Variants in RPGRIP1L observed in about 807,000 individuals in gnomAD.
The protein encoded by RPGRIP1L is protein fantom.
RPGRIP1L carries 131 observed loss-of-function variants against 160.4 expected under a neutral mutation model. The ratio of observed to expected loss-of-function variants is 0.82; its 90% CI spans 0.71 to 0.94. RPGRIP1L has a LOEUF of 0.94. Ranked by LOEUF, RPGRIP1L falls within the 40% of genes least tolerant of loss-of-function variation. The pLI is 0.00. For synonymous variants in RPGRIP1L, 510 were observed against 515.8 expected, an observed-to-expected ratio of 0.99 and a Z score of 0.15; for missense variants, 1,522 against 1,535.8, an observed-to-expected ratio of 0.99 and a Z score of 0.15.
rs1967347596 is a variant in RPGRIP1L at position 53,657,343 on chromosome 16, A to G, written c.1581+110T>C. 29 of 711,938 alleles carry G rather than the reference A, an allele frequency of 4.1e-5. 2 individuals are homozygous for G. The South Asian group carries it at 5.0e-4, about 12-fold the overall frequency. 44.1% of individuals were successfully genotyped at this position (711,938 alleles called of 1,614,324 possible). The stretch of plus-strand genomic sequence containing the variant: ...CATTCCAGAGATGTGATATGTTAGT[A>G]GATTACAATAGATGTTAATAGATAA... On this transcript the variant is annotated intron_variant, in intron 13 of 26. Transcript: ENST00000647211.
intron 17 of RPGRIP1L, among the ~76,000 whole-genome samples, chr16:53,641,993 GT>G (rs1966251297): frequency 6.6e-6 from 1 of 151,846 alleles, no homozygotes; most frequent in South Asian, 2.1e-4. Context: ...AATATATTTT[GT>G]TGGGATTTGT....
In RPGRIP1L at chr16:53,692,260, A is replaced by G. The variant is rs755597211; in HGVS notation, c.335T>C (p.Ile112Thr). The part of the protein sequence containing the change: ...LGRDVEMEEM[I>T]EQLQEKVHEL... Reference sequence around the variant, plus strand: ...ATGAACTTTCTCTTGCAGCTGCTCAATCATTTCTTCCATTTCCACATCTCG... The same window carrying G: ...ATGAACTTTCTCTTGCAGCTGCTCAGTCATTTCTTCCATTTCCACATCTCG... The change falls in exon 4 of 27, where the codon ATT (isoleucine) becomes ACT (threonine). Residue 112 changes from isoleucine (I) to threonine (T), a missense_variant. Physicochemically the swap from Ile to Thr is moderately conservative, Grantham distance 89 (BLOSUM62 -1). Coordinates refer to ENST00000647211, the MANE Select transcript of RPGRIP1L (RefSeq NM_015272.5). 2.5e-6 allele frequency: 4 copies of G among 1,613,976 alleles called. No homozygotes were observed. Among genetic ancestry groups the G allele is most frequent in the Non-Finnish European group, 3.4e-6 (4 of 1,180,038 alleles).
intron 6 of RPGRIP1L, among the ~76,000 whole-genome samples, chr16:53,680,860 G>A (rs557068406): frequency 6.6e-6 from 1 of 152,192 alleles, no homozygotes; most frequent in Non-Finnish European, 1.5e-5. Flanking sequence ...AGAAATAGGA[G>A]GGAAGAGGAG....
intron 4 of RPGRIP1L, among the ~76,000 whole-genome samples, 153 bp from the exon 5 acceptor site, chr16:53,688,118 G>A (rs1282095271): frequency 6.6e-6 from 1 of 151,854 alleles, no homozygotes; most frequent in African/African-American, 2.4e-5. Context: ...ACTGCCAAAG[G>A]GAATATGTGA....
At chr16:53,633,365 C>T (rs1965640284) in intron 22 of RPGRIP1L, among the ~76,000 whole-genome samples, 1 of 152,136 alleles carries the variant, frequency 6.6e-6, no homozygotes, top group African/African-American at 2.4e-5. Flanking sequence ...GGAATCTGAT[C>T]TTGAGGAAAC....
At chr16:53,605,641 C>A in intron 25 of RPGRIP1L, 27 bp from the exon 26 acceptor site, 1 of 1,612,952 alleles carries the variant, frequency 6.2e-7, no homozygotes. Context: ...CAGAGAAAGT[C>A]ACCACCAAGT....
chr16:53,699,319 T>A, intron 2 of RPGRIP1L, among the ~76,000 whole-genome samples: 1 of 144,552 alleles, frequency 6.9e-6, no homozygotes, highest in East Asian at 2.0e-4. Flanking sequence ...TCTGCTGACC[T>A]TCCCTCCACT....
rs1170674790 is a variant in RPGRIP1L, at chr16:53,636,519, A to G, written c.3221-7T>C. 23 of 1,602,724 alleles carry G rather than the reference A, an allele frequency of 1.4e-5. No homozygotes were observed. The highest frequency in any genetic ancestry group is 2.0e-5 in the Non-Finnish European group (23 of 1,170,198). On this transcript the variant is annotated splice_polypyrimidine_tract_variant and splice_region_variant and intron_variant, in intron 21 of 26. Transcript: ENST00000647211. ...GCTGACATGTCCTCTTCAACTGTTT[A>G]AAAAATAAAAGGGTAACATTTACAC...
intron 25 of RPGRIP1L, among the ~76,000 whole-genome samples, chr16:53,609,820 T>C (rs1598214927): frequency 6.6e-6 from 1 of 152,074 alleles, no homozygotes; most frequent in Non-Finnish European, 1.5e-5. Flanking sequence ...AAGTAGAGCC[T>C]CAGAAAGCTA....
chr16:53,652,575 A>C lies in RPGRIP1L; in HGVS notation c.2112T>G (p.Leu704=). 6.2e-7 allele frequency: 1 copy of C among 1,614,096 alleles called. No individual in the cohort carries two copies. The highest frequency in any genetic ancestry group is 8.5e-7 in the Non-Finnish European group (1 of 1,179,996). Residue 704 remains leucine (L), a synonymous_variant, in exon 15 of 27, where the codon CTT becomes CTG. Coordinates refer to ENST00000647211, the MANE Select transcript of RPGRIP1L (RefSeq NM_015272.5). ...TACAAAATATTCGGCCGCTTTTTTCAAGAATTTCGTGAAATTTTAATTGAC... is the reference window on the plus strand; with the variant it reads ...TACAAAATATTCGGCCGCTTTTTTCCAGAATTTCGTGAAATTTTAATTGAC... ...AACQLKFHEI[L]EKSGRIFCTA...
chr16:53,662,479 A>T (rs968426084), intron 10 of RPGRIP1L, among the ~76,000 whole-genome samples: 1 of 152,164 alleles, frequency 6.6e-6, no homozygotes, highest in South Asian at 2.1e-4. Flanking sequence ...TGACTACAAG[A>T]AGCCAGGGAA....
At chr16:53,664,734 AGTGGATGACTGT>A in intron 10 of RPGRIP1L, 124 bp downstream of exon 10, 1 of 979,684 alleles carries the variant, frequency 1.0e-6, no homozygotes, top group Non-Finnish European at 1.6e-6. Flanking sequence ...AATTCATGAG[AGTGGATGACTGT>A]GTCTGTCCCT....
At chr16:53,657,783 A>G in intron 12 of RPGRIP1L, 151 bp from the exon 13 acceptor site, 2 of 581,132 alleles carry the variant, frequency 3.4e-6, no homozygotes, top group Non-Finnish European at 6.0e-6. Context: ...TGATATATAT[A>G]TCAGGACTGC....
chr16:53,661,168 C>A lies in RPGRIP1L; in HGVS notation c.1244-2290G>T, dbSNP rs373654370. On this transcript the variant is annotated intron_variant, in intron 10 of 26. Coordinates refer to ENST00000647211, the MANE Select transcript of RPGRIP1L (RefSeq NM_015272.5). ...AATTAGCTGGGCATGGTGGTGCATG[C>A]CTGTAGTCCCAGCTACTCAGGAGGC... 1.8e-4 allele frequency among the ~76,000 whole-genome samples: 28 copies of A among 151,602 alleles called. No homozygotes were observed. In the East Asian group the frequency reaches 5.1e-3, roughly 28 times the overall value.
At chr16:53,654,552 C>T (rs1967088753) in intron 14 of RPGRIP1L, among the ~76,000 whole-genome samples, 1 of 152,150 alleles carries the variant, frequency 6.6e-6, no homozygotes, top group Non-Finnish European at 1.5e-5. Context: ...TCCTTGATAC[C>T]TTTAGATTTT....
At chr16:53,646,548 TA>T (rs1425943902) in intron 16 of RPGRIP1L, among the ~76,000 whole-genome samples, 1 of 152,186 alleles carries the variant, frequency 6.6e-6, no homozygotes, top group Non-Finnish European at 1.5e-5. Flanking sequence ...ACCGGGAGGA[TA>T]CTTCAGGAGA....
At chr16:53,643,393 T>G (rs1308759618) in intron 17 of RPGRIP1L, among the ~76,000 whole-genome samples, 1 of 151,272 alleles carries the variant, frequency 6.6e-6, no homozygotes. Flanking sequence ...CACACAAAAC[T>G]GTGTAAATGC....
chr16:53,669,472 C>G (rs539386597), intron 9 of RPGRIP1L, among the ~76,000 whole-genome samples: 1 of 151,424 alleles, frequency 6.6e-6, no homozygotes, highest in East Asian at 1.9e-4. Context: ...AAAAAAAAAC[C>G]CTTCAAATTT....
At position 53,598,419 on chromosome 16, in the gene RPGRIP1L, AG is replaced by A. The variant is rs1441905674; in HGVS notation, c.*3656del. The A allele has an allele frequency of 1.3e-5, 2 of 152,222 alleles. No individual in the cohort carries two copies. Among genetic ancestry groups the A allele is most frequent in the African/African-American group, 4.8e-5 (2 of 41,468 alleles). 9.4% of individuals were successfully genotyped at this position (152,222 alleles called of 1,614,324 possible). On this transcript the variant is annotated 3_prime_UTR_variant, in exon 27 of 27. Coordinates refer to ENST00000647211, the MANE Select transcript of RPGRIP1L (RefSeq NM_015272.5). The stretch of plus-strand genomic sequence containing the variant: ...TGGAAAATGAAAGGGCAAGAACAAA[AG>A]GTATAAGAATACCAGTAATATGGGT...
Sources: allele counts gnomAD v4.1 joint callset (sites outside exome capture counted in the v4.1 genomes callset), GRCh38; gene constraint gnomAD v4.1.1; transcripts MANE v1.5; gene names NCBI Gene and HGNC (gene_info 2026-07-23, HGNC 2026-07-21).